Variants in GPR39 observed in about 807,000 individuals in gnomAD.
GPR39 encodes G protein-coupled receptor 39.
Under a neutral mutation model 18.4 loss-of-function variants are expected in GPR39, and 23 were observed. That is an observed-to-expected ratio of 1.25 (90% CI 0.90 to 1.77). The LOEUF (loss-of-function observed/expected upper bound fraction) is 1.77, where lower values mean the gene tolerates loss of function less well. Among genes scored for constraint, GPR39 ranks in the 40% most tolerant of loss-of-function variants. The pLI, the probability that GPR39 is intolerant of heterozygous loss-of-function variation, is 0.00. For synonymous variants in GPR39, 280 were observed against 257.9 expected (o/e 1.09, Z -0.82); for missense variants, 647 against 602.4 (o/e 1.07, Z -0.78).
intron 1 of GPR39, among the ~76,000 whole-genome samples, chr2:132,479,374 G>T (rs1195962418): frequency 6.6e-6 from 1 of 152,206 alleles, no homozygotes; most frequent in Admixed American, 6.5e-5. Flanking sequence ...CCTCTCAGGG[G>T]AGGTGGTATT....
chr2:132,556,920 C>T (rs896996731), intron 1 of GPR39, among the ~76,000 whole-genome samples: 1 of 152,170 alleles, frequency 6.6e-6, no homozygotes, highest in Non-Finnish European at 1.5e-5. Flanking sequence ...CCAAGATGCC[C>T]AGTGAGGGTA....
intron 1 of GPR39, among the ~76,000 whole-genome samples, chr2:132,455,587 C>A (rs529149138): frequency 2.6e-5 from 4 of 152,084 alleles, no homozygotes; most frequent in South Asian, 2.1e-4. Context: ...TGTCAATTTT[C>A]GATCTTTCCT....
intron 1 of GPR39, among the ~76,000 whole-genome samples, chr2:132,603,457 G>A (rs1681080209): frequency 6.6e-6 from 1 of 152,148 alleles, no homozygotes; most frequent in Non-Finnish European, 1.5e-5. Flanking sequence ...GTGTTCTATA[G>A]CAGTGTAGGA....
intron 1 of GPR39, among the ~76,000 whole-genome samples, chr2:132,439,531 A>G (rs1680396570): frequency 6.6e-6 from 1 of 152,204 alleles, no homozygotes; most frequent in Non-Finnish European, 1.5e-5. Context: ...TTTTCCATAT[A>G]GCAAAAAGCT....
chr2:132,551,579 T>A (rs1680045123), intron 1 of GPR39, among the ~76,000 whole-genome samples: 2 of 152,188 alleles, frequency 1.3e-5, no homozygotes, highest in African/African-American at 4.8e-5. Context: ...GGTGTCTGAT[T>A]CTGTCATCTC....
chr2:132,556,459 G>T (rs994662542), intron 1 of GPR39, among the ~76,000 whole-genome samples: 3 of 152,102 alleles, frequency 2.0e-5, no homozygotes, highest in African/African-American at 7.2e-5. Context: ...GTACACCATT[G>T]GCTCTAAGCA....
At chr2:132,550,242 C>T (rs141097608) in intron 1 of GPR39, among the ~76,000 whole-genome samples, 1 of 152,234 alleles carries the variant, frequency 6.6e-6, no homozygotes, top group East Asian at 1.9e-4. Context: ...AAAGATCATG[C>T]TAATTTTAAA....
At chr2:132,515,773 G>C (rs1679321782) in intron 1 of GPR39, among the ~76,000 whole-genome samples, 1 of 152,110 alleles carries the variant, frequency 6.6e-6, no homozygotes, top group African/African-American at 2.4e-5. Context: ...TATACCTAGA[G>C]GGAAGGAATG....
In GPR39 at chr2:132,521,793, G is replaced by A. The variant is rs1411194509; in HGVS notation, c.856+103895G>A. On this transcript the variant is annotated intron_variant, in intron 1 of 1. Coordinates refer to ENST00000329321, the MANE Select transcript of GPR39 (RefSeq NM_001508.3). ...AAAAGAAAACTGGCAGAATTCCATT[G>A]TTTTGCTCTCCAATTCTTCATTTCC... Among the ~76,000 whole-genome samples the A allele has an allele frequency of 2.6e-5, 4 of 152,116 alleles. No homozygotes were observed. The East Asian group carries it at 7.7e-4, about 29-fold the overall frequency.
intron 1 of GPR39, among the ~76,000 whole-genome samples, chr2:132,477,783 A>G (rs906449682): frequency 5.3e-5 from 8 of 152,354 alleles, no homozygotes; most frequent in African/African-American, 1.9e-4. Flanking sequence ...AATATTAAGT[A>G]TATTACAAAG....
chr2:132,551,529 A>T (rs1383265490), intron 1 of GPR39, among the ~76,000 whole-genome samples: 1 of 152,190 alleles, frequency 6.6e-6, no homozygotes, highest in East Asian at 1.9e-4. Flanking sequence ...ATATGTTTGG[A>T]GTACAAGCTT....
At chr2:132,635,815 T>A (rs1681743309) in intron 1 of GPR39, among the ~76,000 whole-genome samples, 2 of 152,110 alleles carry the variant, frequency 1.3e-5, no homozygotes, top group South Asian at 4.1e-4. Context: ...AGGGTGGGAC[T>A]CTGAATAGGA....
intron 1 of GPR39, among the ~76,000 whole-genome samples, chr2:132,461,578 C>T (rs1015793484): frequency 6.6e-6 from 1 of 152,194 alleles, no homozygotes; most frequent in African/African-American, 2.4e-5. Flanking sequence ...TCATTTTCCT[C>T]ATACATTTAG....
chr2:132,589,406 T>C (rs943411655), intron 1 of GPR39, among the ~76,000 whole-genome samples: 2 of 152,258 alleles, frequency 1.3e-5, no homozygotes, highest in Non-Finnish European at 2.9e-5. Context: ...ATTTTTTCCA[T>C]GTGCATAACT....
intron 1 of GPR39, among the ~76,000 whole-genome samples, chr2:132,422,181 T>C (rs6430318): frequency 0.22 from 33,119 of 152,124 alleles, 3,780 homozygotes; most frequent in African/African-American, 0.27. Context: ...TCATTCTTTG[T>C]TATTTAAATC....
chr2:132,481,864 G>A (rs956787445), intron 1 of GPR39, among the ~76,000 whole-genome samples: 2 of 152,104 alleles, frequency 1.3e-5, no homozygotes, highest in Non-Finnish European at 2.9e-5. Context: ...TGCCCTCCCA[G>A]GCCTCCTGAT....
chr2:132,503,799 T>C (rs1015049974), intron 1 of GPR39, among the ~76,000 whole-genome samples: 4 of 152,138 alleles, frequency 2.6e-5, no homozygotes, highest in African/African-American at 9.7e-5. Flanking sequence ...GGGGGTGTGG[T>C]TCCCATTCCA....
chr2:132,492,397 T>C (rs538886848), intron 1 of GPR39, among the ~76,000 whole-genome samples: 4 of 143,330 alleles, frequency 2.8e-5, no homozygotes, highest in Non-Finnish European at 6.1e-5. Context: ...ATATACACCA[T>C]ATATATACAT....
intron 1 of GPR39, among the ~76,000 whole-genome samples, chr2:132,498,523 T>G (rs1573633012): frequency 6.6e-6 from 1 of 152,216 alleles, no homozygotes; most frequent in Non-Finnish European, 1.5e-5. Flanking sequence ...TGAATTGTGC[T>G]GCTATAAACA....
Sources: gnomAD v4.1 joint callset for allele counts (sites outside exome capture counted in the v4.1 genomes callset) on GRCh38, gnomAD v4.1.1 for gene constraint, MANE v1.5 for transcripts, NCBI Gene and HGNC (gene_info 2026-07-23, HGNC 2026-07-21) for gene names.